The following LRRC1 variants were observed in gnomAD, a reference collection of about 807,000 sequenced individuals.
LRRC1 encodes the protein leucine rich repeat containing 1.
LRRC1 carries 28 observed loss-of-function variants against 69.9 expected under a neutral mutation model. The ratio of observed to expected loss-of-function variants is 0.40; its 90% confidence interval spans 0.30 to 0.55. LRRC1 has a LOEUF of 0.55. LRRC1 is among the 20% of genes least tolerant of loss of function. The pLI, the probability that LRRC1 is intolerant of heterozygous loss-of-function variation, is 0.47. For synonymous variants in LRRC1, 236 were observed against 240.2 expected (o/e 0.98, Z 0.16); for missense variants, 498 against 609.0 (o/e 0.82, Z 1.92).
intron 8 of LRRC1, among the ~76,000 whole-genome samples, chr6:53,901,440 T>C (rs917428088): frequency 2.6e-5 from 4 of 151,802 alleles, no homozygotes; most frequent in African/African-American, 7.3e-5. Flanking sequence ...CTCAGAAGCC[T>C]GAAGGGGAAG....
At chr6:53,922,023 A>G (rs946237352) in intron 13 of LRRC1, among the ~76,000 whole-genome samples, 2 of 152,342 alleles carry the variant, frequency 1.3e-5, no homozygotes, top group South Asian at 2.1e-4. Flanking sequence ...ATCATGTAAC[A>G]TATTAAATAA....
At chr6:53,913,790 C>T in intron 10 of LRRC1, 64 bp from the exon 11 acceptor site, 1 of 1,049,604 alleles carries the variant, frequency 9.5e-7, no homozygotes, top group South Asian at 1.4e-5. Context: ...AAACAAGGTA[C>T]TCTGATCCTA....
At position 53,916,040 on chromosome 6, in the gene LRRC1, T is replaced by A. The variant is rs966284653; in HGVS notation, c.1106+2071T>A. 5.3e-5 allele frequency among the ~76,000 whole-genome samples: 8 copies of A among 152,188 alleles called. No individual in the cohort carries two copies. The South Asian group carries it at 1.7e-3, about 31-fold the overall frequency. ...AGTTTCTAGAAACTTTCTTTGCAGT[T>A]TGGTAGGATAAATTATAGCAAGGAT... On this transcript the variant is annotated intron_variant, in intron 11 of 13. Transcript: ENST00000370888.
chr6:53,842,049 A>G (rs969960820), intron 1 of LRRC1, 61 bp from the exon 2 acceptor site: 4 of 1,038,222 alleles, frequency 3.9e-6, no homozygotes, highest in South Asian at 2.7e-5. Context: ...ATTTCATAGT[A>G]GCCCAAAAGT....
intron 1 of LRRC1, among the ~76,000 whole-genome samples, chr6:53,822,995 T>C (rs1765158589): frequency 6.6e-6 from 1 of 152,174 alleles, no homozygotes; most frequent in African/African-American, 2.4e-5. Context: ...CCATCACAAA[T>C]ACACGAAAAT....
chr6:53,894,302 C>G (rs1333115219), intron 4 of LRRC1, among the ~76,000 whole-genome samples: 2 of 152,202 alleles, frequency 1.3e-5, no homozygotes, highest in African/African-American at 4.8e-5. Context: ...ACAGAAGGCG[C>G]CCTGCACAGC....
Position 53,896,829 on chromosome 6 carries a change from C to G in LRRC1, c.504C>G (p.Asp168Glu), listed in dbSNP as rs368409708. 1.2e-5 allele frequency: 19 copies of G among 1,588,756 alleles called. No individual in the cohort carries two copies. The highest frequency in any genetic ancestry group is 1.6e-5 in the Non-Finnish European group (18 of 1,158,832). The stretch of plus-strand genomic sequence containing the variant: ...GCTCTTTATTTATTTTTTAAAATAG[C>G]TCTCTTACCCAGCTGCGAAGACTAG... Reference protein sequence around the residue: ...LRENLLTYLPDSLTQLRRLEE... With the variant: ...LRENLLTYLPESLTQLRRLEE... The change falls in exon 6 of 14, where the codon GAC (aspartate) becomes GAG (glutamate). Residue 168 changes from aspartate to glutamate, a missense_variant and splice_region_variant. Coordinates refer to ENST00000370888, the MANE Select transcript of LRRC1 (RefSeq NM_018214.5).
In LRRC1 at chr6:53,795,506, T is replaced by G. The variant is rs1183089932; in HGVS notation, c.159+91T>G. The G allele has an allele frequency of 2.2e-6, 3 of 1,355,428 alleles. No homozygotes were observed. The Admixed American group carries it at 8.0e-5, about 36-fold the overall frequency. The allele number at this position is 1,355,428 out of a possible 1,614,324, so 84.0% of individuals were successfully genotyped here. On this transcript the variant is annotated intron_variant, in intron 1 of 13. Transcript: ENST00000370888. ...TCTCGTCCCCTCTTCCATCTCCGGG[T>G]CCGGCGTGAAGGAACCTTCCCTCTT...
intron 8 of LRRC1, among the ~76,000 whole-genome samples, chr6:53,900,123 C>A (rs1265831006): frequency 6.8e-6 from 1 of 147,154 alleles, no homozygotes; most frequent in Non-Finnish European, 1.5e-5. Flanking sequence ...CTGCCAGCTC[C>A]GCCTCCTGGG....
intron 1 of LRRC1, among the ~76,000 whole-genome samples, chr6:53,818,957 G>C (rs1464401564): frequency 6.6e-6 from 1 of 152,160 alleles, no homozygotes; most frequent in East Asian, 1.9e-4. Flanking sequence ...AGTTGTCAGG[G>C]AGGCACTGAC....
At chr6:53,805,395 G>A (rs1200346596) in intron 1 of LRRC1, among the ~76,000 whole-genome samples, 2 of 152,170 alleles carry the variant, frequency 1.3e-5, no homozygotes, top group Non-Finnish European at 2.9e-5. Flanking sequence ...TGGAGTGAGA[G>A]GGCAGGGTGG....
At chr6:53,802,083 C>A (rs1764502246) in intron 1 of LRRC1, among the ~76,000 whole-genome samples, 1 of 152,164 alleles carries the variant, frequency 6.6e-6, no homozygotes, top group Admixed American at 6.5e-5. Flanking sequence ...TGCTGTACTG[C>A]CCGCCTGGGA....
chr6:53,869,699 C>T (rs537790619), intron 2 of LRRC1, among the ~76,000 whole-genome samples: 5 of 152,154 alleles, frequency 3.3e-5, no homozygotes, highest in African/African-American at 1.2e-4. Flanking sequence ...GGTCTCTCTT[C>T]CCAGAGACCT....
chr6:53,796,074 C>T (rs1392513970), intron 1 of LRRC1, among the ~76,000 whole-genome samples: 1 of 152,220 alleles, frequency 6.6e-6, no homozygotes, highest in South Asian at 2.1e-4. Context: ...CGGGCCTTGC[C>T]TACGTGGACC....
chr6:53,813,091 A>T (rs115552640), intron 1 of LRRC1, among the ~76,000 whole-genome samples: 2,180 of 152,146 alleles, frequency 0.014, 50 homozygotes, highest in African/African-American at 0.049. Context: ...TGCTGTACAG[A>T]GAGAGAGAAG....
At chr6:53,862,296 TGTGTGTGTG>T (rs1766553788) in intron 2 of LRRC1, among the ~76,000 whole-genome samples, 1 of 97,986 alleles carries the variant, frequency 1.0e-5, no homozygotes, top group East Asian at 1.1e-3. Flanking sequence ...CGTGTGTGTG[TGTGTGTGTG>T]TGTGTGTGTG....
At chr6:53,822,376 G>A (rs1049656509) in intron 1 of LRRC1, among the ~76,000 whole-genome samples, 1 of 152,174 alleles carries the variant, frequency 6.6e-6, no homozygotes, top group African/African-American at 2.4e-5. Flanking sequence ...GAAGGGAGGA[G>A]GTCAGAGAGA....
rs1764257082 is a variant in LRRC1 at position 53,795,300 on chromosome 6, A to G, written c.44A>G (p.Glu15Gly). 2.5e-6 allele frequency: 4 copies of G among 1,613,052 alleles called. No homozygotes were observed. Among genetic ancestry groups the G allele is most frequent in the South Asian group, 1.1e-5 (1 of 90,980 alleles). ...CTGTGGCGGTGCAACCGTCATGTGG[A>G]GAGCATCGACAAGCGCCACTGCTCG... ...IPLWRCNRHV[E>G]SIDKRHCSLV... Residue 15 changes from glutamate to glycine, a missense_variant, in exon 1 of 14, where the codon GAG becomes GGG. Transcript: ENST00000370888.
chr6:53,922,900 G>T lies in LRRC1; in HGVS notation c.*107G>T. Reference sequence around the variant, plus strand: ...TCCTTGTCCTAACCAGCCCCCGCGCGCCATCTTCCCGTGGAGTGTGGGGAA... The same window carrying T: ...TCCTTGTCCTAACCAGCCCCCGCGCTCCATCTTCCCGTGGAGTGTGGGGAA... On this transcript the variant is annotated 3_prime_UTR_variant, in exon 14 of 14. Transcript: ENST00000370888. 9.2e-7 allele frequency: 1 copy of T among 1,091,368 alleles called. No individual in the cohort carries two copies. Among genetic ancestry groups the T allele is most frequent in the Non-Finnish European group, 1.3e-6 (1 of 754,548 alleles). 67.6% of individuals were successfully genotyped at this position (1,091,368 alleles called of 1,614,324 possible). A position where few individuals can be genotyped will look rare whatever the true frequency, so the allele number is the denominator to read the frequency against.
Sources: gnomAD v4.1 joint callset for allele counts (sites outside exome capture counted in the v4.1 genomes callset) on GRCh38, gnomAD v4.1.1 for gene constraint, MANE v1.5 for transcripts, NCBI Gene and HGNC (gene_info 2026-07-23, HGNC 2026-07-21) for gene names.